LRRC4C: variants seen among roughly 807,000 people sequenced by gnomAD.
LRRC4C encodes leucine-rich repeat-containing protein 4C.
LRRC4C carries 5 observed loss-of-function variants against 33.6 expected under a neutral mutation model. The observed-to-expected ratio is 0.15, with a 90% confidence interval of 0.08 to 0.31. The LOEUF is 0.31. Ranked by LOEUF, LRRC4C falls within the 10% of genes least tolerant of loss-of-function variation. LRRC4C has a pLI of 1.00. For missense variants in LRRC4C, 560 were observed against 796.7 expected, an observed-to-expected ratio of 0.70 and a Z score of 3.58; for synonymous variants, 329 against 302.0, an observed-to-expected ratio of 1.09 and a Z score of -0.93.
chr11:40,848,712 T>G (rs1953325967), intron 2 of LRRC4C, among the ~76,000 whole-genome samples: 1 of 152,164 alleles, frequency 6.6e-6, no homozygotes, highest in Non-Finnish European at 1.5e-5. Flanking sequence ...TAACCTTCTG[T>G]CTCATTGATT....
chr11:40,675,173 G>T (rs1944334079), intron 2 of LRRC4C, among the ~76,000 whole-genome samples: 1 of 152,014 alleles, frequency 6.6e-6, no homozygotes, highest in Admixed American at 6.6e-5. Flanking sequence ...TTTAGACTTA[G>T]GAATTTACCA....
At position 41,145,881 on chromosome 11, in the gene LRRC4C, TC is replaced by T. The variant is rs375255937; in HGVS notation, c.-495-212159del. 1.6e-3 allele frequency among the ~76,000 whole-genome samples: 243 copies of T among 152,306 alleles called. 1 individual carries two copies. The highest frequency in any genetic ancestry group is 5.6e-3 in the African/African-American group (232 of 41,568). On this transcript the variant is annotated intron_variant, in intron 1 of 6. Coordinates refer to ENST00000528697, the MANE Select transcript of LRRC4C (RefSeq NM_001258419.2). ...CGGTGATTTTGTGAGTTTTCTTATCTCTTTTTTGCTGTAAAAGTTCTACTTA... is the reference window on the plus strand; with the variant it reads ...CGGTGATTTTGTGAGTTTTCTTATCTTTTTTTGCTGTAAAAGTTCTACTTA...
intron 1 of LRRC4C, among the ~76,000 whole-genome samples, chr11:41,363,808 T>C (rs1952439861): frequency 6.6e-6 from 1 of 152,184 alleles, no homozygotes; most frequent in Non-Finnish European, 1.5e-5. Flanking sequence ...TTACTTTGGC[T>C]GTACAGGTGC....
intron 2 of LRRC4C, among the ~76,000 whole-genome samples, chr11:40,795,024 A>T (rs548303862): frequency 5.3e-5 from 8 of 152,186 alleles, no homozygotes; most frequent in African/African-American, 1.9e-4. Context: ...CTCTAAGCCA[A>T]ATCTTCCCAT....
intron 1 of LRRC4C, among the ~76,000 whole-genome samples, chr11:41,289,823 G>C (rs1454081256): frequency 1.3e-5 from 2 of 152,200 alleles, no homozygotes; most frequent in African/African-American, 4.8e-5. Flanking sequence ...ATTAGATTCA[G>C]AAAGGAAGTC....
intron 5 of LRRC4C, among the ~76,000 whole-genome samples, chr11:40,147,144 C>G (rs1451132429): frequency 1.3e-5 from 2 of 151,988 alleles, no homozygotes; most frequent in African/African-American, 4.8e-5. Context: ...CTTCATTAGC[C>G]CTTCTCTCAA....
At position 40,382,548 on chromosome 11, in the gene LRRC4C, G is replaced by C. The variant is rs574947779; in HGVS notation, c.-269-62827C>G. ...TTTATTTATTATTATTTTATGATAA[G>C]AACACTTAACCTAAGATCTACTCTC... On this transcript the variant is annotated intron_variant, in intron 3 of 6. Coordinates refer to ENST00000528697, the MANE Select transcript of LRRC4C (RefSeq NM_001258419.2). 1.1e-4 allele frequency among the ~76,000 whole-genome samples: 17 copies of C among 151,646 alleles called. No homozygotes were observed. The South Asian group carries it at 2.5e-3, about 22-fold the overall frequency.
At chr11:40,261,288 C>G (rs1009002614) in intron 4 of LRRC4C, among the ~76,000 whole-genome samples, 4 of 152,216 alleles carry the variant, frequency 2.6e-5, no homozygotes, top group Middle Eastern at 3.4e-3. Flanking sequence ...GAAATAAATA[C>G]TGAATGTTAT....
At chr11:40,834,911 G>GACAGACAGACACACGCACAC (rs748483585) in intron 2 of LRRC4C, among the ~76,000 whole-genome samples, 1 of 84,826 alleles carries the variant, frequency 1.2e-5, no homozygotes, top group Non-Finnish European at 2.6e-5. Flanking sequence ...CAGACAGACA[G>GACAGACAGACACACGCACAC]ACACACACAC....
chr11:40,865,475 T>C (rs1323006377), intron 2 of LRRC4C, among the ~76,000 whole-genome samples: 1 of 151,180 alleles, frequency 6.6e-6, no homozygotes, highest in Non-Finnish European at 1.5e-5. Context: ...AGGCAAGGCA[T>C]ATGCTCATTA....
At chr11:40,893,304 T>C (rs187964855) in intron 2 of LRRC4C, among the ~76,000 whole-genome samples, 6 of 152,218 alleles carry the variant, frequency 3.9e-5, no homozygotes, top group Non-Finnish European at 7.4e-5. Flanking sequence ...GAATACCATC[T>C]AGTATTTCAT....
intron 2 of LRRC4C, among the ~76,000 whole-genome samples, chr11:40,831,244 C>T (rs1432009735): frequency 6.6e-6 from 1 of 152,014 alleles, no homozygotes. Context: ...TACTTTTGCT[C>T]TCTGGTAAAT....
chr11:40,961,773 A>G (rs1014595779), intron 1 of LRRC4C, among the ~76,000 whole-genome samples: 11 of 151,636 alleles, frequency 7.3e-5, no homozygotes, highest in Non-Finnish European at 1.2e-4. Flanking sequence ...CAAAAAATCT[A>G]TAAGAACTTC....
intron 5 of LRRC4C, among the ~76,000 whole-genome samples, chr11:40,177,986 GC>G (rs1314492737): frequency 6.6e-6 from 1 of 152,156 alleles, no homozygotes; most frequent in African/African-American, 2.4e-5. Context: ...AGTAGGAGGT[GC>G]ATATGGCTTG....
intron 3 of LRRC4C, among the ~76,000 whole-genome samples, chr11:40,638,964 C>T (rs1941945693): frequency 6.6e-6 from 1 of 152,026 alleles, no homozygotes; most frequent in Non-Finnish European, 1.5e-5. Flanking sequence ...TTCTTCAAGG[C>T]AGGCTTAACA....
At chr11:40,408,424 C>T (rs1950037994) in intron 3 of LRRC4C, among the ~76,000 whole-genome samples, 1 of 151,890 alleles carries the variant, frequency 6.6e-6, no homozygotes, top group African/African-American at 2.4e-5. Flanking sequence ...CCTCGACCAA[C>T]TTTATCTTTT....
intron 1 of LRRC4C, among the ~76,000 whole-genome samples, chr11:41,024,531 CATT>C (rs1856209132): frequency 6.6e-6 from 1 of 151,714 alleles, no homozygotes; most frequent in Non-Finnish European, 1.5e-5. Context: ...CTACAGACAT[CATT>C]GAGGTAACTG....
intron 1 of LRRC4C, among the ~76,000 whole-genome samples, chr11:41,131,586 A>G (rs1943015518): frequency 6.6e-6 from 1 of 152,068 alleles, no homozygotes; most frequent in African/African-American, 2.4e-5. Flanking sequence ...AACCAGAGCG[A>G]CCACATCTTG....
chr11:41,079,066 T>C (rs1443213491), intron 1 of LRRC4C, among the ~76,000 whole-genome samples: 2 of 152,148 alleles, frequency 1.3e-5, no homozygotes, highest in Admixed American at 6.5e-5. Context: ...TCTTATAGCT[T>C]CCCATCTGGC....
Sources: allele counts gnomAD v4.1 joint callset (sites outside exome capture counted in the v4.1 genomes callset), GRCh38; gene constraint gnomAD v4.1.1; transcripts MANE v1.5; gene names NCBI Gene and HGNC (gene_info 2026-07-23, HGNC 2026-07-21).